Variants in RRM1 observed in about 807,000 individuals in gnomAD.
The protein encoded by RRM1 is ribonucleotide reductase catalytic subunit M1, also known as ribonucleoside-diphosphate reductase large subunit.
Under a neutral mutation model 101.5 loss-of-function variants are expected in RRM1, and 19 were observed. The observed-to-expected ratio is 0.19, with a 90% CI of 0.13 to 0.27. The LOEUF is 0.27. RRM1 is among the 10% of genes least tolerant of loss of function. RRM1 has a pLI of 1.00. For synonymous variants in RRM1, 298 were observed against 323.4 expected (o/e 0.92, Z 0.84); for missense variants, 500 against 962.9 (o/e 0.52, Z 6.36).
In RRM1 at chr11:4,107,423, T is replaced by C. The variant is rs756975394; in HGVS notation, c.287-12T>C. On this transcript the variant is annotated splice_polypyrimidine_tract_variant and intron_variant, in intron 3 of 18. Transcript: ENST00000300738. Reference sequence around the variant, plus strand: ...GTCTTGATATATTTTCATTTTTTGTTGTATTTTTTAGATGTGATGGAAGAC... The same window carrying C: ...GTCTTGATATATTTTCATTTTTTGTCGTATTTTTTAGATGTGATGGAAGAC... 1.9e-6 allele frequency: 3 copies of C among 1,547,144 alleles called. No individual in the cohort carries two copies. Among genetic ancestry groups the C allele is most frequent in the Non-Finnish European group, 2.7e-6 (3 of 1,120,520 alleles).
intron 14 of RRM1, among the ~76,000 whole-genome samples, chr11:4,128,192 C>T (rs1373126410): frequency 3.4e-5 from 5 of 146,018 alleles, no homozygotes; most frequent in African/African-American, 1.3e-4. Flanking sequence ...GACAGAGTCT[C>T]ACTTTGTTAC....
At chr11:4,118,267 T>C (rs1313254696) in intron 7 of RRM1, 53 bp from the exon 8 acceptor site, 3 of 1,557,908 alleles carry the variant, frequency 1.9e-6, no homozygotes, top group Non-Finnish European at 2.6e-6. Flanking sequence ...TAATCATTTT[T>C]GTGACTCTGC....
At chr11:4,109,238 A>G (rs186031295) in intron 4 of RRM1, among the ~76,000 whole-genome samples, 1 of 151,642 alleles carries the variant, frequency 6.6e-6, no homozygotes, top group Non-Finnish European at 1.5e-5. Flanking sequence ...ATTAGTAAAT[A>G]TGTGGTACCA....
chr11:4,102,395 C>T (rs564994112), intron 2 of RRM1, among the ~76,000 whole-genome samples: 2 of 152,164 alleles, frequency 1.3e-5, no homozygotes, highest in Admixed American at 6.5e-5. Context: ...CCGTGGCTCA[C>T]GCCTGTAATC....
intron 1 of RRM1, among the ~76,000 whole-genome samples, chr11:4,096,869 G>T (rs1003663948): frequency 6.6e-6 from 1 of 151,988 alleles, no homozygotes; most frequent in Non-Finnish European, 1.5e-5. Context: ...TGATAAGTCA[G>T]TAACAAAGAT....
intron 2 of RRM1, 24 bp downstream of exon 2, chr11:4,102,105 T>G: frequency 8.2e-7 from 1 of 1,223,916 alleles, no homozygotes. Flanking sequence ...GTTTTTATCT[T>G]GGGTTCCTTC....
Position 4,124,919 on chromosome 11 carries a change from T to A in RRM1, c.1320+1535T>A, listed in dbSNP as rs200313185. On this transcript the variant is annotated intron_variant, in intron 12 of 18. Coordinates refer to ENST00000300738, the MANE Select transcript of RRM1 (RefSeq NM_001033.5). Reference sequence around the variant, plus strand: ...ATCTAATTGTAGTATTTATTTATTTTATTTTTTTTTTTTTGAGACAGAGTC... The same window carrying A: ...ATCTAATTGTAGTATTTATTTATTTAATTTTTTTTTTTTTGAGACAGAGTC... Among the ~76,000 whole-genome samples the A allele has an allele frequency of 2.9e-4, 28 of 97,828 alleles. No individual in the cohort carries two copies. The South Asian group carries it at 5.3e-3, about 18-fold the overall frequency. The allele number at this position is 97,828 out of a possible 152,430, so 64.2% of individuals were successfully genotyped here. A position where few individuals can be genotyped will look rare whatever the true frequency, so the allele number is the denominator to read the frequency against.
chr11:4,126,152 T>C (rs1565187884), intron 12 of RRM1, among the ~76,000 whole-genome samples: 1 of 152,228 alleles, frequency 6.6e-6, no homozygotes, highest in Non-Finnish European at 1.5e-5. Context: ...AGATCCATTG[T>C]TGCTAAGGGC....
At chr11:4,111,198 G>A (rs755752379) in intron 5 of RRM1, among the ~76,000 whole-genome samples, 1 of 151,958 alleles carries the variant, frequency 6.6e-6, no homozygotes, top group Admixed American at 6.6e-5. Context: ...TTTAAAAAAA[G>A]TGCCAATGAT....
chr11:4,105,397 A>AT (rs1565179966), intron 2 of RRM1, among the ~76,000 whole-genome samples: 1 of 151,688 alleles, frequency 6.6e-6, no homozygotes, highest in Admixed American at 6.6e-5. Flanking sequence ...TGACTGGCTA[A>AT]TTTTTTTATT....
At chr11:4,108,302 G>T (rs1339940099) in intron 4 of RRM1, among the ~76,000 whole-genome samples, 1 of 152,012 alleles carries the variant, frequency 6.6e-6, no homozygotes, top group Non-Finnish European at 1.5e-5. Flanking sequence ...TTAACTTTAG[G>T]TAATATAATG....
rs1160753710 is a variant in RRM1, at chr11:4,132,033, A to G, written c.1770-253A>G. On this transcript the variant is annotated intron_variant, in intron 15 of 18. Transcript: ENST00000300738. The surrounding 1 kb of genome is among the most constrained non-coding windows in gnomAD (Gnocchi z 4.1). ...AATCATGGTATGATAAGGATAGCCA[A>G]CAATAAAAATTGTACTAATTCAGTT... Among the ~76,000 whole-genome samples, 1 of 152,260 alleles carries G rather than the reference A, an allele frequency of 6.6e-6. No individual in the cohort carries two copies. Among genetic ancestry groups the G allele is most frequent in the African/African-American group, 2.4e-5 (1 of 41,466 alleles).
chr11:4,127,303 G>T, intron 14 of RRM1, 47 bp downstream of exon 14: 1 of 1,236,498 alleles, frequency 8.1e-7, no homozygotes, highest in Non-Finnish European at 1.1e-6. Flanking sequence ...ACCTGTAGTG[G>T]GCTGAATGGT....
intron 1 of RRM1, among the ~76,000 whole-genome samples, chr11:4,096,048 C>T (rs889716460): frequency 6.6e-6 from 1 of 152,178 alleles, no homozygotes; most frequent in African/African-American, 2.4e-5. Context: ...TTGTTTGAGA[C>T]AGAGTCTTGC....
intron 1 of RRM1, among the ~76,000 whole-genome samples, chr11:4,100,176 A>G (rs2094549189): frequency 6.6e-6 from 1 of 152,244 alleles, no homozygotes; most frequent in Admixed American, 6.5e-5. Context: ...AACTTGTTCT[A>G]GTGATAATGG....
At chr11:4,099,582 G>T (rs972304659) in intron 1 of RRM1, 1 of 152,094 alleles carries the variant, frequency 6.6e-6, no homozygotes, top group African/African-American at 2.4e-5. Flanking sequence ...GCAGAGTAAG[G>T]TATAAGCAAT....
At chr11:4,137,370 C>G in intron 18 of RRM1, 1 of 168,328 alleles carries the variant, frequency 5.9e-6, no homozygotes, top group South Asian at 1.3e-4. Context: ...CCCTCACCTC[C>G]CAGACGGGGC....
chr11:4,129,008 GTT>G (rs5789321), intron 14 of RRM1, 64 bp from the exon 15 acceptor site: 2,000 of 662,774 alleles, frequency 3.0e-3, no homozygotes, highest in South Asian at 4.2e-3. Flanking sequence ...TCATTTGTGG[GTT>G]TTTTTTTTTT....
intron 17 of RRM1, among the ~76,000 whole-genome samples, chr11:4,133,980 A>AT (rs34715101): frequency 0.29 from 26,565 of 90,492 alleles, 5,463 homozygotes; most frequent in South Asian, 0.47. Flanking sequence ...CCAGACATCA[A>AT]TTTTTTTTTT....
Sources: allele counts gnomAD v4.1 joint callset (sites outside exome capture counted in the v4.1 genomes callset), GRCh38; gene constraint gnomAD v4.1.1; non-coding constraint Gnocchi (gnomAD v3.1); transcripts MANE v1.5; gene names NCBI Gene and HGNC (gene_info 2026-07-23, HGNC 2026-07-21).